PCDHGA4: variants seen among roughly 807,000 people sequenced by gnomAD.
PCDHGA4 encodes protocadherin gamma-A4.
A neutral mutation model predicts 54.6 loss-of-function variants in PCDHGA4; 38 were observed. The observed-to-expected ratio is 0.70, with a 90% CI of 0.54 to 0.91. The LOEUF (loss-of-function observed/expected upper bound fraction) is 0.91. PCDHGA4 is among the 40% of genes least tolerant of loss of function. PCDHGA4 has a pLI of 0.00. For missense variants in PCDHGA4, 1,298 were observed against 1,220.9 expected (o/e 1.06, Z -0.94); for synonymous variants, 511 against 512.9 (o/e 1.00, Z 0.05).
intron 1 of PCDHGA4, among the ~76,000 whole-genome samples, chr5:141,472,352 T>G (rs1364883510): frequency 6.6e-6 from 1 of 151,718 alleles, no homozygotes; most frequent in Non-Finnish European, 1.5e-5. Context: ...CCATCCTGGC[T>G]AACACGGTGA....
In PCDHGA4 at chr5:141,356,951, C is replaced by G. The variant is rs754711250; in HGVS notation, c.1844C>G (p.Ser615Cys). The G allele has an allele frequency of 6.2e-7, 1 of 1,614,230 alleles. No individual in the cohort carries two copies. The highest frequency in any genetic ancestry group is 8.5e-7 in the Non-Finnish European group (1 of 1,180,046). Reference sequence around the variant, plus strand: ...GAGCTGGCACCCCGCTCCGCAGATTCCGGCTACCTGGTGACCAAAGTGGTG... The same window carrying G: ...GAGCTGGCACCCCGCTCCGCAGATTGCGGCTACCTGGTGACCAAAGTGGTG... ...GVELAPRSAD[S>C]GYLVTKVVAV... is the part of the protein sequence containing the mutation. Residue 615 changes from serine (S) to cysteine (C), a missense_variant, in exon 1 of 4, where the codon TCC (serine) becomes TGC (cysteine). Physicochemically the swap from Ser to Cys is moderately radical, Grantham distance 112. Coordinates refer to ENST00000571252, the MANE Select transcript of PCDHGA4 (RefSeq NM_018917.4).
intron 1 of PCDHGA4, chr5:141,413,858 G>T: frequency 6.2e-7 from 1 of 1,613,258 alleles, no homozygotes; most frequent in Non-Finnish European, 8.5e-7. Context: ...CTCCGATCTG[G>T]CACTGTCCTT....
At chr5:141,492,163 C>G (rs921256341) in intron 1 of PCDHGA4, among the ~76,000 whole-genome samples, 3 of 152,232 alleles carry the variant, frequency 2.0e-5, no homozygotes, top group Admixed American at 6.5e-5. Flanking sequence ...CCTCCCTATC[C>G]CCGCATCACC....
chr5:141,409,462 C>G (rs377705841), intron 1 of PCDHGA4: 1 of 1,613,988 alleles, frequency 6.2e-7, no homozygotes, highest in African/African-American at 1.3e-5. Flanking sequence ...AATACAATGT[C>G]ACCATCGTAG....
chr5:141,414,193 A>C, intron 1 of PCDHGA4: 1 of 1,610,884 alleles, frequency 6.2e-7, no homozygotes, highest in Admixed American at 1.7e-5. Context: ...AGTGTTGATT[A>C]CAGTAGAAGA....
At position 141,489,786 on chromosome 5, in the gene PCDHGA4, G is replaced by A. The variant is rs758119518; in HGVS notation, c.2515-5021G>A. 8.7e-6 allele frequency: 14 copies of A among 1,614,194 alleles called. No individual in the cohort carries two copies. Among genetic ancestry groups the A allele is most frequent in the Non-Finnish European group, 1.2e-5 (14 of 1,180,014 alleles). ...CCAACAGCCACTTCTCTCTGAATGTGAAGACCCTAAAAGATGGGAAGCCAT... is the reference window on the plus strand; with the variant it reads ...CCAACAGCCACTTCTCTCTGAATGTAAAGACCCTAAAAGATGGGAAGCCAT... On this transcript the variant is annotated intron_variant, in intron 1 of 3. Transcript: ENST00000571252. This position sits in a 1 kb window ranked among gnomAD's most constrained non-coding sequence, Gnocchi z 4.5.
chr5:141,481,691 C>G (rs929210528), intron 1 of PCDHGA4, among the ~76,000 whole-genome samples: 3 of 152,080 alleles, frequency 2.0e-5, no homozygotes, highest in African/African-American at 4.8e-5. Context: ...TGGTGGCTCA[C>G]GCCTGTAATC....
intron 1 of PCDHGA4, chr5:141,394,458 A>C (rs776488659): frequency 6.2e-7 from 1 of 1,614,100 alleles, no homozygotes; most frequent in Non-Finnish European, 8.5e-7. Context: ...CATGTCACTG[A>C]GCCTGTTCGT....
intron 2 of PCDHGA4, among the ~76,000 whole-genome samples, chr5:141,499,984 G>A (rs1350203006): frequency 6.6e-6 from 1 of 151,872 alleles, no homozygotes; most frequent in East Asian, 1.9e-4. Context: ...CACCTTGCCC[G>A]GCCAGATGAT....
At chr5:141,414,481 C>T (rs1011579090) in intron 1 of PCDHGA4, 2 of 1,613,948 alleles carry the variant, frequency 1.2e-6, no homozygotes, top group Non-Finnish European at 1.7e-6. Context: ...AAGTCCTCCT[C>T]TATCAACGGA....
At chr5:141,507,171 C>T (rs183042063) in intron 3 of PCDHGA4, 3 of 152,462 alleles carry the variant, frequency 2.0e-5, no homozygotes, top group South Asian at 2.1e-4. Context: ...AGGCTGTCCT[C>T]TTCCTCGAGC....
At chr5:141,495,910 A>C (rs2154591812) in intron 2 of PCDHGA4, among the ~76,000 whole-genome samples, 1 of 151,278 alleles carries the variant, frequency 6.6e-6, no homozygotes, top group East Asian at 1.9e-4. Flanking sequence ...GTCTCTGTAT[A>C]TCTTTCTTTG....
At chr5:141,419,297 G>A (rs1460451634) in intron 1 of PCDHGA4, 1 of 1,614,048 alleles carries the variant, frequency 6.2e-7, no homozygotes, top group Admixed American at 1.7e-5. Context: ...CTCTGACCCA[G>A]ACTTCGGGCT....
intron 3 of PCDHGA4, 48 bp downstream of exon 3, chr5:141,505,529 T>C (rs1479433990): frequency 1.9e-6 from 3 of 1,612,066 alleles, no homozygotes; most frequent in Non-Finnish European, 2.5e-6. Context: ...CCTGGGGTTC[T>C]GGGGTGCATC....
chr5:141,430,930 G>A, intron 1 of PCDHGA4: 2 of 1,607,320 alleles, frequency 1.2e-6, no homozygotes, highest in Non-Finnish European at 1.7e-6. Context: ...TGGAGCCCCG[G>A]GAGCTCGCGG....
At chr5:141,424,960 C>T (rs1291822416) in intron 1 of PCDHGA4, among the ~76,000 whole-genome samples, 1 of 152,102 alleles carries the variant, frequency 6.6e-6, no homozygotes, top group African/African-American at 2.4e-5. Context: ...AGGTATTTGC[C>T]CCAAATTACT....
In PCDHGA4 at chr5:141,494,836, C is replaced by G. The variant is rs1016713543; in HGVS notation, c.2544C>G (p.Phe848Leu). ...CCCCGCCCAACACGGACTGGCGTTT[C>G]TCTCAGGCCCAGAGACCCGGCACCA... ...QQAPPNTDWR[F>L]SQAQRPGTSG... The change falls in exon 2 of 4, where the codon TTC (phenylalanine) becomes TTG (leucine). Residue 848 changes from phenylalanine (F) to leucine (L), a missense_variant. Phe to Leu is a conservative substitution (Grantham distance 22, BLOSUM62 0). Coordinates refer to ENST00000571252, the MANE Select transcript of PCDHGA4 (RefSeq NM_018917.4). 1.9e-6 allele frequency: 3 copies of G among 1,614,054 alleles called. No individual in the cohort carries two copies. The highest frequency in any genetic ancestry group is 2.7e-5 in the African/African-American group (2 of 74,932).
chr5:141,437,765 G>C (rs1561886251), intron 1 of PCDHGA4, among the ~76,000 whole-genome samples: 1 of 148,074 alleles, frequency 6.8e-6, no homozygotes, highest in African/African-American at 2.5e-5. Flanking sequence ...TTGAGACAGA[G>C]TCTCAATCTG....
intron 1 of PCDHGA4, chr5:141,419,715 T>C: frequency 6.2e-7 from 1 of 1,613,288 alleles, no homozygotes. Flanking sequence ...CTCTTCAGCC[T>C]GGGGCTGCGA....
Sources: allele counts gnomAD v4.1 joint callset (sites outside exome capture counted in the v4.1 genomes callset), GRCh38; gene constraint gnomAD v4.1.1; non-coding constraint Gnocchi (gnomAD v3.1); transcripts MANE v1.5; gene names NCBI Gene and HGNC (gene_info 2026-07-23, HGNC 2026-07-21).